The following CHD5 variants were observed in gnomAD, a reference collection of about 807,000 sequenced individuals.
The protein encoded by CHD5 is ATP-dependent chromatin remodeler CHD5.
Under a neutral mutation model 230.3 loss-of-function variants are expected in CHD5, and 69 were observed. The observed-to-expected ratio is 0.30, with a 90% CI of 0.25 to 0.37. The LOEUF (loss-of-function observed/expected upper bound fraction) is 0.37, where lower values mean the gene tolerates loss of function less well. Ranked by LOEUF, CHD5 falls within the 10% of genes least tolerant of loss-of-function variation. The pLI, the probability that CHD5 is intolerant of heterozygous loss-of-function variation, is 1.00. For synonymous variants in CHD5, 1,064 were observed against 1,065.9 expected, an observed-to-expected ratio of 1.00 and a Z score of 0.03; for missense variants, 1,827 against 2,622.8, an observed-to-expected ratio of 0.70 and a Z score of 6.63.
intron 1 of CHD5, among the ~76,000 whole-genome samples, chr1:6,173,463 G>GGC (rs1667370854): frequency 6.6e-6 from 1 of 151,958 alleles, no homozygotes. Context: ...CAGAGAACAA[G>GGC]GCCACCAGGA....
intron 36 of CHD5, 106 bp from the exon 37 acceptor site, chr1:6,110,632 G>A: frequency 4.2e-6 from 5 of 1,199,480 alleles, no homozygotes; most frequent in Non-Finnish European, 5.9e-6. Flanking sequence ...TCGGCATTCT[G>A]GCTGTACGCT....
In CHD5 at chr1:6,121,312, G is replaced by C; in HGVS notation, c.4780-75C>G. The C allele has an allele frequency of 6.4e-7, 1 of 1,565,782 alleles. No homozygotes were observed. The highest frequency in any genetic ancestry group is 1.2e-5 in the South Asian group (1 of 84,948). On this transcript the variant is annotated intron_variant, in intron 32 of 41. Transcript: ENST00000262450. The surrounding 1 kb of genome is among the most constrained non-coding windows in gnomAD (Gnocchi z 4.5). ...ACGGAGGGCGGGGAACGTGCGCTGG[G>C]CTGGGAACCCAGTCTCCTGGCTCCC...
chr1:6,120,707 A>G (rs1666454446), intron 33 of CHD5, among the ~76,000 whole-genome samples: 1 of 152,096 alleles, frequency 6.6e-6, no homozygotes, highest in Admixed American at 6.6e-5. Context: ...GATCGAGACC[A>G]TCCTGACCAA....
At position 6,121,823 on chromosome 1, in the gene CHD5, G is replaced by A. The variant is rs1486600373; in HGVS notation, c.4700-250C>T. The stretch of plus-strand genomic sequence containing the variant: ...AGTGAGGGGCTGTCAGGACGGGGCC[G>A]CACACAGCCGTGGCTGCTCATCTGG... On this transcript the variant is annotated intron_variant, in intron 31 of 41. Transcript: ENST00000262450. The surrounding 1 kb of genome is among the most constrained non-coding windows in gnomAD (Gnocchi z 4.5). 6.6e-6 allele frequency among the ~76,000 whole-genome samples: 1 copy of A among 152,176 alleles called. No homozygotes were observed. Among genetic ancestry groups the A allele is most frequent in the Non-Finnish European group, 1.5e-5 (1 of 68,034 alleles).
intron 33 of CHD5, among the ~76,000 whole-genome samples, chr1:6,120,890 G>A (rs1391136043): frequency 6.0e-5 from 9 of 151,036 alleles, no homozygotes; most frequent in African/African-American, 1.7e-4. Flanking sequence ...GTGACAGAGC[G>A]AAACCCTTTC....
rs72852056 is a variant in CHD5, at chr1:6,152,561, C to G, written c.746-25G>C. The G allele has an allele frequency of 1.5e-4, 245 of 1,612,806 alleles. No individual in the cohort carries two copies. In the African/African-American group the frequency reaches 3.0e-3, roughly 20 times the overall value. On this transcript the variant is annotated intron_variant, in intron 5 of 41. Coordinates refer to ENST00000262450, the MANE Select transcript of CHD5 (RefSeq NM_015557.3). ...CCTGAAAAACAGCAGTGATGATAGC[C>G]AACCACTGCCACCACTGACGGCCTG...
chr1:6,152,745 C>T (rs994809035), intron 5 of CHD5, among the ~76,000 whole-genome samples: 2 of 152,220 alleles, frequency 1.3e-5, no homozygotes, highest in African/African-American at 4.8e-5. Flanking sequence ...ACGGCTCTGA[C>T]TGGAGGCTGC....
In CHD5 at chr1:6,110,560, G is replaced by A. The variant is rs74648794; in HGVS notation, c.5250-34C>T. On this transcript the variant is annotated intron_variant, in intron 36 of 41. Transcript: ENST00000262450. Reference sequence around the variant, plus strand: ...GGCACCATTAAGGGCAAACCTGGCCGTTAGAAGTGGTGGGGCCGTAGGGGG... The same window carrying A: ...GGCACCATTAAGGGCAAACCTGGCCATTAGAAGTGGTGGGGCCGTAGGGGG... 1,937 of 1,439,152 alleles carry A rather than the reference G, an allele frequency of 1.3e-3. 25 individuals carry two copies. In the African/African-American group the frequency reaches 0.024, roughly 18 times the overall value. The allele number at this position is 1,439,152 out of a possible 1,614,324, so 89.1% of individuals were successfully genotyped here. A position where few individuals can be genotyped will look rare whatever the true frequency, so the allele number is the denominator to read the frequency against.
intron 41 of CHD5, among the ~76,000 whole-genome samples, chr1:6,106,031 G>A (rs1430356078): frequency 2.6e-5 from 4 of 152,144 alleles, no homozygotes; most frequent in Admixed American, 6.5e-5. Context: ...GGACAGACAC[G>A]CTGGCCACAA....
intron 20 of CHD5, among the ~76,000 whole-genome samples, chr1:6,133,014 C>A (rs904465221): frequency 3.9e-5 from 6 of 152,120 alleles, no homozygotes; most frequent in Non-Finnish European, 8.8e-5. Flanking sequence ...CCTGCCTCAA[C>A]CTCCCAAGTC....
chr1:6,119,212 C>T (rs1269132707), intron 33 of CHD5, among the ~76,000 whole-genome samples: 14 of 151,926 alleles, frequency 9.2e-5, no homozygotes, highest in Middle Eastern at 3.4e-3. Context: ...AGTGGTGCGA[C>T]CTCAGCCTCC....
intron 1 of CHD5, among the ~76,000 whole-genome samples, chr1:6,171,226 G>A (rs1667333411): frequency 1.3e-5 from 2 of 152,220 alleles, no homozygotes; most frequent in African/African-American, 4.8e-5. Flanking sequence ...GGAGGACAAA[G>A]GGGGACCCCT....
intron 3 of CHD5, among the ~76,000 whole-genome samples, chr1:6,158,611 G>C (rs1281206021): frequency 2.6e-5 from 4 of 152,116 alleles, no homozygotes; most frequent in Non-Finnish European, 5.9e-5. Context: ...CTGGACAACA[G>C]AGCAAAACTC....
chr1:6,117,636 G>C (rs780649315), intron 33 of CHD5, among the ~76,000 whole-genome samples: 1 of 152,046 alleles, frequency 6.6e-6, no homozygotes, highest in African/African-American at 2.4e-5. Context: ...GATCTGAAAG[G>C]ACATTTCTTC....
At chr1:6,157,294 C>G (rs1667094542) in intron 3 of CHD5, among the ~76,000 whole-genome samples, 1 of 152,256 alleles carries the variant, frequency 6.6e-6, no homozygotes, top group South Asian at 2.1e-4. Context: ...GAGGCCTGCT[C>G]TCCCTCCTGC....
rs926969282 is a variant in CHD5 at position 6,126,311 on chromosome 1, G to A, written c.4078+261C>T. On this transcript the variant is annotated intron_variant, in intron 26 of 41. Transcript: ENST00000262450. This position sits in a 1 kb window ranked among gnomAD's most constrained non-coding sequence, Gnocchi z 5.7. ...ATCCTGCCCCACCCTCCACCTCTGG[G>A]TATGGGACACCCATCCCTCCTGGCA... is the stretch of plus-strand genomic sequence containing the variant. Among the ~76,000 whole-genome samples the A allele has an allele frequency of 4.0e-5, 6 of 151,526 alleles. No individual in the cohort carries two copies. Among genetic ancestry groups the A allele is most frequent in the African/African-American group, 1.5e-4 (6 of 41,158 alleles).
chr1:6,169,890 A>C (rs546733427), intron 1 of CHD5, among the ~76,000 whole-genome samples: 158 of 152,142 alleles, frequency 1.0e-3, no homozygotes, highest in African/African-American at 3.0e-3. Flanking sequence ...ACCCTCTGCC[A>C]TGGACACCCC....
chr1:6,127,999 C>A (rs1557544491), intron 25 of CHD5, 47 bp downstream of exon 25: 5 of 1,355,200 alleles, frequency 3.7e-6, no homozygotes, highest in Admixed American at 2.4e-5. Context: ...GGCGGGGCTG[C>A]GGATGGAGGG....
chr1:6,125,271 G>A lies in CHD5; in HGVS notation c.4261-38C>T. On this transcript the variant is annotated intron_variant, in intron 28 of 41. Coordinates refer to ENST00000262450, the MANE Select transcript of CHD5 (RefSeq NM_015557.3). This position sits in a 1 kb window ranked among gnomAD's most constrained non-coding sequence, Gnocchi z 6.7. ...AGCGTGGGAGTATGAGCCCAGGACAGAGAGGGGTGGGGGTGGAGGATTCTG... is the reference window on the plus strand; with the variant it reads ...AGCGTGGGAGTATGAGCCCAGGACAAAGAGGGGTGGGGGTGGAGGATTCTG... 6.4e-7 allele frequency: 1 copy of A among 1,563,888 alleles called. No homozygotes were observed. Among genetic ancestry groups the A allele is most frequent in the South Asian group, 1.1e-5 (1 of 87,488 alleles).
Sources: gnomAD v4.1 joint callset for allele counts (sites outside exome capture counted in the v4.1 genomes callset) on GRCh38, gnomAD v4.1.1 for gene constraint, Gnocchi (gnomAD v3.1) non-coding constraint, MANE v1.5 for transcripts, NCBI Gene and HGNC (gene_info 2026-07-23, HGNC 2026-07-21) for gene names.